Variants in PHACTR1 observed in about 807,000 individuals in gnomAD.
PHACTR1 encodes phosphatase and actin regulator 1, also known as RPEL repeat containing 1.
A neutral mutation model predicts 69.2 loss-of-function variants in PHACTR1; 16 were observed. That is an observed-to-expected ratio of 0.23 (90% CI 0.16 to 0.35). The LOEUF (loss-of-function observed/expected upper bound fraction) is 0.35. Ranked by LOEUF, PHACTR1 falls within the 10% of genes least tolerant of loss-of-function variation. The pLI is 1.00. For synonymous variants in PHACTR1, 312 were observed against 284.5 expected (o/e 1.10, Z -0.97); for missense variants, 510 against 734.7 (o/e 0.69, Z 3.54).
chr6:13,141,724 C>CTTTTTTTTTTTT (rs577073698), intron 5 of PHACTR1, among the ~76,000 whole-genome samples: 11 of 89,796 alleles, frequency 1.2e-4, no homozygotes, highest in South Asian at 4.0e-4. Context: ...TTTCTTCTTT[C>CTTTTTTTTTTTT]TTTTTTTTTT....
rs114361398 is a variant in PHACTR1, at chr6:12,960,234, G to A, written c.251-93131G>A. Among the ~76,000 whole-genome samples, 458 of 152,304 alleles carry A rather than the reference G, an allele frequency of 3.0e-3. 1 individual carries two copies. Among genetic ancestry groups the A allele is most frequent in the Non-Finnish European group, 4.8e-3 (324 of 68,030 alleles). On this transcript the variant is annotated intron_variant, in intron 4 of 14. Transcript: ENST00000332995. ...AGTAAATTATATAGAACATCGCGTA[G>A]TGCTGTGCCTGGCACACTTAGTGCC...
At chr6:13,133,247 CCCTCTCCCT>C (rs1197795348) in intron 5 of PHACTR1, among the ~76,000 whole-genome samples, 2 of 93,576 alleles carry the variant, frequency 2.1e-5, no homozygotes, top group African/African-American at 3.7e-5. Flanking sequence ...CTCTCCCTTT[CCCTCTCCCT>C]CTCCCCACAG....
intron 4 of PHACTR1, among the ~76,000 whole-genome samples, chr6:12,778,797 A>G (rs1466787793): frequency 6.6e-6 from 1 of 152,256 alleles, no homozygotes; most frequent in Non-Finnish European, 1.5e-5. Flanking sequence ...ATTCAATGCC[A>G]TAAAACACTT....
chr6:13,022,305 C>T (rs1287787830), intron 4 of PHACTR1, among the ~76,000 whole-genome samples: 1 of 152,228 alleles, frequency 6.6e-6, no homozygotes, highest in Non-Finnish European at 1.5e-5. Flanking sequence ...TTTTAAGTTT[C>T]TTCCACCTGT....
At chr6:13,195,334 A>G (rs1288006804) in intron 7 of PHACTR1, among the ~76,000 whole-genome samples, 1 of 152,200 alleles carries the variant, frequency 6.6e-6, no homozygotes, top group Non-Finnish European at 1.5e-5. Context: ...CACTGCAACT[A>G]GTTGGCAAAT....
At chr6:12,783,477 C>T (rs1414869422) in intron 4 of PHACTR1, among the ~76,000 whole-genome samples, 1 of 152,096 alleles carries the variant, frequency 6.6e-6, no homozygotes, top group Non-Finnish European at 1.5e-5. Context: ...GGCTCAATGA[C>T]AGCTGAGGTG....
intron 4 of PHACTR1, among the ~76,000 whole-genome samples, chr6:12,812,048 A>G (rs933208287): frequency 1.3e-5 from 2 of 152,216 alleles, no homozygotes; most frequent in East Asian, 1.9e-4. Flanking sequence ...GTGCAATTCA[A>G]TAGCATTTTG....
chr6:13,046,524 G>A (rs762862234), intron 4 of PHACTR1, among the ~76,000 whole-genome samples: 17 of 152,132 alleles, frequency 1.1e-4, no homozygotes, highest in Non-Finnish European at 1.5e-4. Context: ...AGTGATCCTC[G>A]TACTCACCGA....
At chr6:13,087,652 C>CT (rs112624746) in intron 5 of PHACTR1, among the ~76,000 whole-genome samples, 13,109 of 144,868 alleles carry the variant, frequency 0.09, 1,900 homozygotes, top group African/African-American at 0.31. Flanking sequence ...AGCAGGCTTT[C>CT]TTTTTTTTTT....
At chr6:12,842,701 C>G (rs576559395) in intron 4 of PHACTR1, among the ~76,000 whole-genome samples, 7 of 145,640 alleles carry the variant, frequency 4.8e-5, no homozygotes, top group Admixed American at 2.1e-4. Flanking sequence ...ACTATCATGC[C>G]CAGCTGATTT....
chr6:12,748,840 G>A (rs1166887538), intron 3 of PHACTR1, among the ~76,000 whole-genome samples: 3 of 152,196 alleles, frequency 2.0e-5, no homozygotes, highest in South Asian at 2.1e-4. Flanking sequence ...AATTCTGCAT[G>A]CATATACCTA....
chr6:12,943,503 T>C (rs1453706245), intron 4 of PHACTR1, among the ~76,000 whole-genome samples: 1 of 152,226 alleles, frequency 6.6e-6, no homozygotes, highest in Admixed American at 6.5e-5. Context: ...ATGGTTACAA[T>C]AGTGAATTTT....
chr6:13,007,860 A>G (rs1798993572), intron 4 of PHACTR1, among the ~76,000 whole-genome samples: 1 of 152,108 alleles, frequency 6.6e-6, no homozygotes, highest in Admixed American at 6.5e-5. Context: ...CCTTCTCATC[A>G]TGTTGCTATC....
chr6:12,899,126 T>C (rs898609826), intron 4 of PHACTR1, among the ~76,000 whole-genome samples: 2 of 152,214 alleles, frequency 1.3e-5, no homozygotes, highest in Non-Finnish European at 2.9e-5. Context: ...CATCACTTCT[T>C]ACATTGGACT....
intron 4 of PHACTR1, among the ~76,000 whole-genome samples, chr6:12,859,713 A>G (rs1227624839): frequency 6.6e-6 from 1 of 152,094 alleles, no homozygotes; most frequent in Non-Finnish European, 1.5e-5. Flanking sequence ...CTGTCCCCCA[A>G]ATGCTCACTG....
chr6:13,272,825 A>G, intron 10 of PHACTR1, 35 bp from the exon 11 acceptor site: 1 of 1,614,072 alleles, frequency 6.2e-7, no homozygotes, highest in South Asian at 1.1e-5. Context: ...AGGCTATGAT[A>G]TGGTCCAAAA....
chr6:12,902,489 G>A (rs1785309476), intron 4 of PHACTR1, among the ~76,000 whole-genome samples: 1 of 151,992 alleles, frequency 6.6e-6, no homozygotes, highest in Non-Finnish European at 1.5e-5. Flanking sequence ...AATACTTCTA[G>A]GTTCGTCCAT....
chr6:13,107,253 G>C (rs1465139701), intron 5 of PHACTR1, among the ~76,000 whole-genome samples: 4 of 152,122 alleles, frequency 2.6e-5, no homozygotes, highest in African/African-American at 9.7e-5. Flanking sequence ...TGGGATTATA[G>C]GCACATGCAA....
intron 4 of PHACTR1, among the ~76,000 whole-genome samples, chr6:12,767,838 T>G (rs1768836340): frequency 6.6e-6 from 1 of 152,164 alleles, no homozygotes; most frequent in Non-Finnish European, 1.5e-5. Context: ...AAGCCAAACT[T>G]AAAAGACATT....
Sources: allele counts gnomAD v4.1 joint callset (sites outside exome capture counted in the v4.1 genomes callset), GRCh38; gene constraint gnomAD v4.1.1; transcripts MANE v1.5; gene names NCBI Gene and HGNC (gene_info 2026-07-23, HGNC 2026-07-21).